The following STXBP4 variants were observed in gnomAD, a reference collection of about 807,000 sequenced individuals.
The protein encoded by STXBP4 is syntaxin-binding protein 4.
Under a neutral mutation model 76.1 loss-of-function variants are expected in STXBP4, and 55 were observed. The observed-to-expected ratio is 0.72, with a 90% CI of 0.58 to 0.91. STXBP4 has a LOEUF of 0.91. Among genes scored for constraint, STXBP4 ranks in the 40% least tolerant of loss-of-function variants. The pLI is 0.00. For synonymous variants in STXBP4, 201 were observed against 220.2 expected, an observed-to-expected ratio of 0.91 and a Z score of 0.77; for missense variants, 618 against 636.9, an observed-to-expected ratio of 0.97 and a Z score of 0.32.
intron 12 of STXBP4, among the ~76,000 whole-genome samples, chr17:55,057,172 C>A (rs183270674): frequency 3.9e-5 from 6 of 152,268 alleles, no homozygotes; most frequent in African/African-American, 1.4e-4. Flanking sequence ...CTGCCATTTT[C>A]TTTTGTCTGG....
At chr17:55,116,542 T>G (rs1365442836) in intron 16 of STXBP4, among the ~76,000 whole-genome samples, 1 of 151,806 alleles carries the variant, frequency 6.6e-6, no homozygotes, top group African/African-American at 2.4e-5. Flanking sequence ...GAAGCACAAA[T>G]TTTAGTATCT....
rs79377166 is a variant in STXBP4, at chr17:55,086,554, C to G, written c.1489+5371C>G. 3.6e-4 allele frequency among the ~76,000 whole-genome samples: 55 copies of G among 152,198 alleles called. 1 individual carries two copies. The highest frequency in any genetic ancestry group is 1.3e-3 in the African/African-American group (54 of 41,536). On this transcript the variant is annotated intron_variant, in intron 16 of 17. Transcript: ENST00000376352. ...AATCTCTCCCTATCCCCCTGTTCTC[C>G]GTGTCCTTCCAGTCTCTAGTACCCT...
chr17:55,195,784 A>G, the STXBP4 span, among the ~76,000 whole-genome samples: 1 of 152,146 alleles, frequency 6.6e-6, no homozygotes, highest in African/African-American at 2.4e-5. Context: ...TCTTGAGGGC[A>G]GGGGGTATGT....
At chr17:55,117,765 T>C (rs753117146) in intron 16 of STXBP4, among the ~76,000 whole-genome samples, 1 of 151,958 alleles carries the variant, frequency 6.6e-6, no homozygotes, top group African/African-American at 2.4e-5. Context: ...ATTGTTGCCA[T>C]AGTCTCAGAG....
intron 17 of STXBP4, among the ~76,000 whole-genome samples, chr17:55,155,925 T>A (rs1046782870): frequency 6.6e-6 from 1 of 152,210 alleles, no homozygotes; most frequent in African/African-American, 2.4e-5. Flanking sequence ...TTACTAATAT[T>A]ATTTTTTAAA....
At chr17:54,993,965 A>G (rs1389940817) in intron 4 of STXBP4, among the ~76,000 whole-genome samples, 1 of 152,160 alleles carries the variant, frequency 6.6e-6, no homozygotes, top group Non-Finnish European at 1.5e-5. Context: ...ACCCACCCCA[A>G]AAGTTTTCCT....
intron 4 of STXBP4, among the ~76,000 whole-genome samples, chr17:54,996,613 A>G (rs1226464558): frequency 1.3e-5 from 2 of 152,328 alleles, no homozygotes; most frequent in South Asian, 2.1e-4. Context: ...CTTGTGTTAC[A>G]TATATTTATC....
At chr17:55,071,861 G>A (rs1304113958) in intron 12 of STXBP4, among the ~76,000 whole-genome samples, 1 of 152,078 alleles carries the variant, frequency 6.6e-6, no homozygotes, top group Non-Finnish European at 1.5e-5. Flanking sequence ...ATGGCAATTG[G>A]AGCAGAAAGT....
downstream of STXBP4, among the ~76,000 whole-genome samples, chr17:55,177,773 G>A (rs1489785599): frequency 1.3e-5 from 2 of 152,184 alleles, no homozygotes; most frequent in African/African-American, 4.8e-5. Flanking sequence ...CCATATGCCT[G>A]TAAAAATCCC....
intron 12 of STXBP4, among the ~76,000 whole-genome samples, chr17:55,058,135 C>T (rs1236964715): frequency 6.6e-6 from 1 of 152,210 alleles, no homozygotes; most frequent in Non-Finnish European, 1.5e-5. Context: ...GCCACACTGT[C>T]TTCCACAATG....
At chr17:55,134,387 G>A (rs2080005646) in intron 16 of STXBP4, among the ~76,000 whole-genome samples, 1 of 151,690 alleles carries the variant, frequency 6.6e-6, no homozygotes, top group African/African-American at 2.4e-5. Context: ...AATTTAAAGT[G>A]TTTAGCTTAG....
At chr17:55,049,126 A>T (rs1445747425) in intron 12 of STXBP4, among the ~76,000 whole-genome samples, 3 of 152,006 alleles carry the variant, frequency 2.0e-5, no homozygotes. Context: ...GGAAAGAAAG[A>T]AAGTATACAA....
intron 12 of STXBP4, among the ~76,000 whole-genome samples, chr17:55,071,824 T>C (rs2079123364): frequency 6.6e-6 from 1 of 152,170 alleles, no homozygotes. Context: ...CTGAAAAAAT[T>C]AAAATAGCCA....
At chr17:55,098,694 A>T (rs2079526442) in intron 16 of STXBP4, among the ~76,000 whole-genome samples, 1 of 152,152 alleles carries the variant, frequency 6.6e-6, no homozygotes. Context: ...CCTCAGTTTA[A>T]TTGCCTACTA....
chr17:54,969,237 G>A (rs1427420499), intron 1 of STXBP4, among the ~76,000 whole-genome samples: 2 of 152,178 alleles, frequency 1.3e-5, no homozygotes, highest in African/African-American at 2.4e-5. Context: ...AGGCTGTCAC[G>A]CTGAAGTTTG....
intron 3 of STXBP4, among the ~76,000 whole-genome samples, chr17:54,989,135 T>A (rs929265666): frequency 2.0e-5 from 3 of 152,206 alleles, no homozygotes; most frequent in African/African-American, 7.2e-5. Context: ...TGAGACAGAG[T>A]CTCGCTCTGT....
chr17:55,129,700 A>G (rs2214980), intron 16 of STXBP4, among the ~76,000 whole-genome samples: 98,839 of 152,038 alleles, frequency 0.65, 33,216 homozygotes, highest in African/African-American at 0.83. Flanking sequence ...TCCTTCCTAG[A>G]AACAACAAAA....
chr17:55,072,418 G>A (rs2079131107), intron 12 of STXBP4, among the ~76,000 whole-genome samples: 1 of 152,166 alleles, frequency 6.6e-6, no homozygotes, highest in Non-Finnish European at 1.5e-5. Flanking sequence ...GGGAGAAGTA[G>A]TAGATAGATT....
At chr17:55,200,839 A>G in the STXBP4 span, among the ~76,000 whole-genome samples, 1 of 152,214 alleles carries the variant, frequency 6.6e-6, no homozygotes, top group Non-Finnish European at 1.5e-5. Context: ...CAATTAACAA[A>G]CATAGTGCAT....
Sources: gnomAD v4.1 joint callset for allele counts (sites outside exome capture counted in the v4.1 genomes callset) on GRCh38, gnomAD v4.1.1 for gene constraint, MANE v1.5 for transcripts, NCBI Gene and HGNC (gene_info 2026-07-23, HGNC 2026-07-21) for gene names.